Variants in NCKAP5 observed in about 807,000 individuals in gnomAD.
The protein encoded by NCKAP5 is nck-associated protein 5.
NCKAP5 carries 92 observed loss-of-function variants against 167.0 expected under a neutral mutation model. The observed-to-expected ratio is 0.55, with a 90% CI of 0.47 to 0.66. The LOEUF (loss-of-function observed/expected upper bound fraction) is 0.66, where lower values mean the gene tolerates loss of function less well. Among genes scored for constraint, NCKAP5 ranks in the 30% least tolerant of loss-of-function variants. The pLI is 0.00. For missense variants in NCKAP5, 2,378 were observed against 2,315.0 expected, an observed-to-expected ratio of 1.03 and a Z score of -0.56; for synonymous variants, 891 against 877.4, an observed-to-expected ratio of 1.02 and a Z score of -0.27.
chr2:133,294,985 G>A (rs1417298502), intron 4 of NCKAP5, among the ~76,000 whole-genome samples: 2 of 152,168 alleles, frequency 1.3e-5, no homozygotes, highest in Admixed American at 6.5e-5. Context: ...GCCTTGGGAA[G>A]CAAGAGTTAA....
chr2:133,639,516 G>T, the NCKAP5 span, among the ~76,000 whole-genome samples: 1 of 152,108 alleles, frequency 6.6e-6, no homozygotes, highest in Admixed American at 6.5e-5. Flanking sequence ...CAGGTTTTAG[G>T]CAGCTTATGA....
chr2:132,718,027 G>T (rs1689536610), intron 19 of NCKAP5, among the ~76,000 whole-genome samples: 1 of 152,138 alleles, frequency 6.6e-6, no homozygotes, highest in African/African-American at 2.4e-5. Flanking sequence ...ACTCTGAGTG[G>T]CCAACAATAC....
At chr2:132,895,080 C>G (rs1326140848) in intron 8 of NCKAP5, among the ~76,000 whole-genome samples, 2 of 152,038 alleles carry the variant, frequency 1.3e-5, no homozygotes, top group African/African-American at 4.8e-5. Flanking sequence ...ATCTGTAATC[C>G]CAGCACTTTG....
intron 6 of NCKAP5, among the ~76,000 whole-genome samples, chr2:133,081,686 A>G (rs1044991309): frequency 2.6e-5 from 4 of 152,190 alleles, no homozygotes; most frequent in Admixed American, 1.3e-4. Context: ...TGGATACAAC[A>G]TTAAATATAT....
intron 6 of NCKAP5, among the ~76,000 whole-genome samples, chr2:133,020,019 C>T (rs1279173729): frequency 6.6e-6 from 1 of 152,220 alleles, no homozygotes; most frequent in Non-Finnish European, 1.5e-5. Flanking sequence ...CTTCAGTTTC[C>T]TCATCAGTAA....
At chr2:133,670,288 G>A in the NCKAP5 span, among the ~76,000 whole-genome samples, 1 of 152,184 alleles carries the variant, frequency 6.6e-6, no homozygotes, top group Non-Finnish European at 1.5e-5. Flanking sequence ...GTAAATCATA[G>A]TGTTAGCTAG....
chr2:133,088,325 G>T (rs774058050), intron 6 of NCKAP5, among the ~76,000 whole-genome samples: 1 of 152,010 alleles, frequency 6.6e-6, no homozygotes, highest in Non-Finnish European at 1.5e-5. Context: ...CCAGTAGTTG[G>T]TCCTCATTCT....
chr2:133,262,655 T>C (rs1194969125), intron 4 of NCKAP5, among the ~76,000 whole-genome samples: 1 of 152,218 alleles, frequency 6.6e-6, no homozygotes, highest in African/African-American at 2.4e-5. Flanking sequence ...GGCAACAGCC[T>C]TCAGGAGCAA....
intron 3 of NCKAP5, among the ~76,000 whole-genome samples, chr2:133,509,608 T>C (rs1047979920): frequency 6.6e-6 from 1 of 152,228 alleles, no homozygotes; most frequent in Non-Finnish European, 1.5e-5. Flanking sequence ...AATGTGAATA[T>C]GACATGGCCC....
intron 3 of NCKAP5, among the ~76,000 whole-genome samples, chr2:133,490,053 A>G (rs918386678): frequency 5.3e-5 from 8 of 152,200 alleles, no homozygotes; most frequent in African/African-American, 1.9e-4. Flanking sequence ...CAGGATCTCC[A>G]AGACAGAATC....
chr2:133,258,191 T>C (rs773483966), intron 4 of NCKAP5, among the ~76,000 whole-genome samples: 1 of 152,190 alleles, frequency 6.6e-6, no homozygotes, highest in African/African-American at 2.4e-5. Flanking sequence ...CCCTGTCTCA[T>C]TGGGTTTGGA....
At chr2:132,907,144 A>T (rs1406781160) in intron 8 of NCKAP5, among the ~76,000 whole-genome samples, 2 of 152,262 alleles carry the variant, frequency 1.3e-5, no homozygotes, top group Non-Finnish European at 2.9e-5. Flanking sequence ...TTAACTTATG[A>T]ATAGTGACAA....
intron 6 of NCKAP5, among the ~76,000 whole-genome samples, chr2:133,061,075 A>G (rs966557852): frequency 8.1e-6 from 1 of 123,004 alleles, no homozygotes; most frequent in Admixed American, 8.9e-5. Context: ...TAAAAAAAAA[A>G]CAAAACAACA....
chr2:133,372,683 G>A (rs765551575), intron 3 of NCKAP5, among the ~76,000 whole-genome samples: 9 of 152,264 alleles, frequency 5.9e-5, no homozygotes, highest in South Asian at 2.1e-4. Flanking sequence ...GACCCTGTTC[G>A]AGACCAACTG....
chr2:133,226,102 CA>C (rs79882887), intron 4 of NCKAP5, among the ~76,000 whole-genome samples: 58,836 of 151,570 alleles, frequency 0.39, 11,704 homozygotes, highest in Admixed American at 0.42. Flanking sequence ...CTGCCACACT[CA>C]ATTTTTAAAA....
chr2:133,464,234 G>A (rs1468848382), intron 3 of NCKAP5, among the ~76,000 whole-genome samples: 1 of 152,186 alleles, frequency 6.6e-6, no homozygotes, highest in Non-Finnish European at 1.5e-5. Flanking sequence ...GTACACATGA[G>A]TCCTTCTTTA....
At chr2:132,866,720 CTGCACAGTAA>C (rs1690383899) in intron 10 of NCKAP5, among the ~76,000 whole-genome samples, 1 of 152,200 alleles carries the variant, frequency 6.6e-6, no homozygotes, top group Admixed American at 6.5e-5. Flanking sequence ...TATTCTAAAA[CTGCACAGTAA>C]TGCTTATTAT....
intron 2 of NCKAP5, among the ~76,000 whole-genome samples, chr2:133,522,083 T>G (rs1299656699): frequency 1.3e-5 from 2 of 152,196 alleles, no homozygotes; most frequent in Non-Finnish European, 2.9e-5. Context: ...AGTGTGTTAA[T>G]GTTGAATTCT....
At chr2:133,046,447 T>C (rs565896622) in intron 6 of NCKAP5, among the ~76,000 whole-genome samples, 65 of 152,234 alleles carry the variant, frequency 4.3e-4, no homozygotes, top group Non-Finnish European at 8.4e-4. Flanking sequence ...GGTGTGATCA[T>C]GGCTCACTAC....
Sources: gnomAD v4.1 joint callset for allele counts (sites outside exome capture counted in the v4.1 genomes callset) on GRCh38, gnomAD v4.1.1 for gene constraint, MANE v1.5 for transcripts, NCBI Gene and HGNC (gene_info 2026-07-23, HGNC 2026-07-21) for gene names.